The following AGBL4 variants were observed in gnomAD, a reference collection of about 807,000 sequenced individuals.
The protein encoded by AGBL4 is cytosolic carboxypeptidase 6.
AGBL4 carries 58 observed loss-of-function variants against 66.4 expected under a neutral mutation model. The ratio of observed to expected loss-of-function variants is 0.87; its 90% CI spans 0.71 to 1.09. AGBL4 has a LOEUF of 1.09. AGBL4 is among the 50% of genes least tolerant of loss of function. AGBL4 has a pLI of 0.00. For synonymous variants in AGBL4, 234 were observed against 222.9 expected (o/e 1.05, Z -0.44); for missense variants, 579 against 631.0 (o/e 0.92, Z 0.88).
intron 6 of AGBL4, among the ~76,000 whole-genome samples, chr1:48,689,783 T>C (rs147158704): frequency 0.021 from 3,254 of 152,286 alleles, 107 homozygotes; most frequent in African/African-American, 0.072. Context: ...CATGTACCTG[T>C]AGTCCCAGCT....
intron 5 of AGBL4, among the ~76,000 whole-genome samples, chr1:48,940,064 C>T (rs1655827673): frequency 6.6e-6 from 1 of 152,132 alleles, no homozygotes; most frequent in Admixed American, 6.6e-5. Context: ...TACAGTTTTC[C>T]AGGAACCCTT....
At chr1:48,629,861 G>A (rs1381328731) in intron 9 of AGBL4, among the ~76,000 whole-genome samples, 1 of 152,176 alleles carries the variant, frequency 6.6e-6, no homozygotes, top group Non-Finnish European at 1.5e-5. Context: ...GATACTCTGA[G>A]GGAGAGATAA....
intron 2 of AGBL4, among the ~76,000 whole-genome samples, chr1:49,720,146 T>C (rs543280141): frequency 3.3e-5 from 5 of 152,176 alleles, no homozygotes; most frequent in African/African-American, 1.2e-4. Flanking sequence ...AATAACAGCA[T>C]TATAGGTTGA....
chr1:49,305,928 G>A (rs1231727325), intron 3 of AGBL4, among the ~76,000 whole-genome samples: 6 of 152,106 alleles, frequency 3.9e-5, no homozygotes, highest in Non-Finnish European at 7.4e-5. Flanking sequence ...AACCTCAGGT[G>A]ATCCGCCCAC....
At chr1:49,968,410 T>C (rs139173648) in intron 1 of AGBL4, among the ~76,000 whole-genome samples, 4 of 152,308 alleles carry the variant, frequency 2.6e-5, no homozygotes, top group African/African-American at 9.6e-5. Context: ...AATATTTACA[T>C]ATACAGAGTG....
intron 4 of AGBL4, among the ~76,000 whole-genome samples, chr1:49,206,125 A>G (rs1461573819): frequency 6.6e-6 from 1 of 152,278 alleles, no homozygotes; most frequent in African/African-American, 2.4e-5. Context: ...TCAGTACCTC[A>G]GTTGAGAGAA....
At chr1:49,288,734 T>C (rs1454678800) in intron 3 of AGBL4, among the ~76,000 whole-genome samples, 1 of 152,182 alleles carries the variant, frequency 6.6e-6, no homozygotes, top group Non-Finnish European at 1.5e-5. Flanking sequence ...TACCCAATAC[T>C]GTTTGAGATG....
intron 1 of AGBL4, among the ~76,000 whole-genome samples, chr1:50,002,359 CTTTTTTTTTTTT>C (rs372960346): frequency 0.39 from 37,146 of 95,904 alleles, 5,279 homozygotes; most frequent in East Asian, 0.71. Context: ...TGCCCTAGTT[CTTTTTTTTTTTT>C]TTTTTTTTTT....
intron 1 of AGBL4, among the ~76,000 whole-genome samples, chr1:49,949,959 C>CAT (rs201017766): frequency 0.033 from 4,617 of 141,536 alleles, 139 homozygotes; most frequent in African/African-American, 0.08. Context: ...ACCCAAATGC[C>CAT]ATATATATAT....
chr1:49,654,222 A>G (rs1357213156), intron 3 of AGBL4, among the ~76,000 whole-genome samples: 1 of 152,178 alleles, frequency 6.6e-6, no homozygotes, highest in African/African-American at 2.4e-5. Context: ...ATTTCCATGT[A>G]GTTCAGCGGT....
intron 6 of AGBL4, among the ~76,000 whole-genome samples, chr1:48,712,580 C>T (rs76782945): frequency 0.021 from 3,121 of 152,244 alleles, 110 homozygotes; most frequent in African/African-American, 0.071. Context: ...TCCTTACCCC[C>T]ACAGTGTGGT....
intron 6 of AGBL4, among the ~76,000 whole-genome samples, chr1:48,673,928 C>T (rs964342344): frequency 6.6e-6 from 1 of 152,310 alleles, no homozygotes; most frequent in East Asian, 1.9e-4. Context: ...CAGAAGCCTC[C>T]TGCTGCTTCC....
At chr1:49,543,675 G>A (rs148520634) in intron 3 of AGBL4, among the ~76,000 whole-genome samples, 4 of 152,264 alleles carry the variant, frequency 2.6e-5, no homozygotes, top group Non-Finnish European at 5.9e-5. Context: ...AAGGGCATTA[G>A]ATTGCTAATC....
chr1:49,121,135 T>C (rs1362149616), intron 4 of AGBL4, among the ~76,000 whole-genome samples: 1 of 152,220 alleles, frequency 6.6e-6, no homozygotes, highest in Non-Finnish European at 1.5e-5. Context: ...TTTAGCTTCC[T>C]TGTGATGGGT....
intron 5 of AGBL4, among the ~76,000 whole-genome samples, chr1:49,016,919 T>C (rs1662867930): frequency 6.6e-6 from 1 of 152,140 alleles, no homozygotes; most frequent in African/African-American, 2.4e-5. Context: ...GAGAAGAGAT[T>C]TGTTGAAGAA....
At chr1:49,739,988 C>T (rs959418023) in intron 2 of AGBL4, among the ~76,000 whole-genome samples, 1 of 152,140 alleles carries the variant, frequency 6.6e-6, no homozygotes, top group African/African-American at 2.4e-5. Context: ...GAAGAAACTG[C>T]ATCAACTAAC....
chr1:48,731,355 G>C (rs913021518), intron 6 of AGBL4, among the ~76,000 whole-genome samples: 1 of 152,166 alleles, frequency 6.6e-6, no homozygotes, highest in Non-Finnish European at 1.5e-5. Context: ...AGTTCAGCTT[G>C]GCTGTCTCTA....
chr1:48,980,200 T>G (rs573734133), intron 5 of AGBL4, among the ~76,000 whole-genome samples: 20 of 152,318 alleles, frequency 1.3e-4, no homozygotes, highest in African/African-American at 4.6e-4. Flanking sequence ...ATTGCTTTTT[T>G]GCTTTAGCTT....
rs113596706 is a variant in AGBL4 at position 48,533,035 on chromosome 1, C to CCCAAACAA, written c.*1137_*1138insTTGTTTGG. 13,916 of 150,886 alleles carry CCCAAACAA rather than the reference C, an allele frequency of 0.092. 825 individuals carry two copies. The highest frequency in any genetic ancestry group is 0.14 in the South Asian group (649 of 4,774). The allele number at this position is 150,886 out of a possible 1,614,324, so 9.3% of individuals were successfully genotyped here. A position where few individuals can be genotyped will look rare whatever the true frequency, so the allele number is the denominator to read the frequency against. The stretch of plus-strand genomic sequence containing the variant: ...TGTAGCAAACTTCAATAATCTCCAA[C>CCCAAACAA]TCAAACAAACAAACAAACAAACAAA... On this transcript the variant is annotated 3_prime_UTR_variant, in exon 14 of 14. Coordinates refer to ENST00000371839, the MANE Select transcript of AGBL4 (RefSeq NM_032785.4).
Sources: allele counts gnomAD v4.1 joint callset (sites outside exome capture counted in the v4.1 genomes callset), GRCh38; gene constraint gnomAD v4.1.1; transcripts MANE v1.5; gene names NCBI Gene and HGNC (gene_info 2026-07-23, HGNC 2026-07-21).